Variants in SUPT3H observed in about 807,000 individuals in gnomAD.
SUPT3H encodes SPT3 homolog, SAGA and STAGA complex component.
In SUPT3H, 44 loss-of-function variants were observed where a neutral mutation model predicts 44.3. The observed-to-expected ratio is 0.99, with a 90% CI of 0.78 to 1.28. The LOEUF is 1.28. Among genes scored for constraint, SUPT3H ranks in the 50% most tolerant of loss-of-function variants. SUPT3H has a pLI of 0.00. For missense variants in SUPT3H, 380 were observed against 387.1 expected (o/e 0.98, Z 0.15); for synonymous variants, 124 against 125.6 (o/e 0.99, Z 0.09).
intron 10 of SUPT3H, among the ~76,000 whole-genome samples, chr6:44,883,375 A>G (rs1343396461): frequency 6.6e-6 from 1 of 152,192 alleles, no homozygotes; most frequent in East Asian, 1.9e-4. Context: ...AAAATAAGAG[A>G]GGACACAAAC....
intron 2 of SUPT3H, among the ~76,000 whole-genome samples, chr6:45,278,210 TGC>T (rs1376363053): frequency 1.3e-5 from 2 of 151,988 alleles, no homozygotes; most frequent in African/African-American, 4.8e-5. Context: ...AGTTGATGGG[TGC>T]AGCAAACCAC....
chr6:45,142,272 T>G (rs1805336122), intron 2 of SUPT3H, among the ~76,000 whole-genome samples: 1 of 151,946 alleles, frequency 6.6e-6, no homozygotes, highest in South Asian at 2.1e-4. Flanking sequence ...AACAAAACCT[T>G]GCAATACACC....
intron 9 of SUPT3H, among the ~76,000 whole-genome samples, chr6:44,933,712 C>CA (rs2153462137): frequency 6.6e-6 from 1 of 152,324 alleles, no homozygotes; most frequent in African/African-American, 2.4e-5. Flanking sequence ...GGTGTGCTCA[C>CA]AGCTCACTGA....
chr6:44,926,278 G>C (rs1010115783), intron 10 of SUPT3H, among the ~76,000 whole-genome samples: 2 of 151,870 alleles, frequency 1.3e-5, no homozygotes, highest in Non-Finnish European at 2.9e-5. Context: ...TTAATCTCAG[G>C]TTATACAATT....
chr6:44,860,346 T>C (rs1368512230), intron 10 of SUPT3H, among the ~76,000 whole-genome samples: 1 of 152,180 alleles, frequency 6.6e-6, no homozygotes. Context: ...CCACCAAAAA[T>C]GAGAGCTTGC....
At chr6:45,104,444 C>T (rs1799003073) in intron 3 of SUPT3H, among the ~76,000 whole-genome samples, 1 of 151,990 alleles carries the variant, frequency 6.6e-6, no homozygotes, top group South Asian at 2.1e-4. Context: ...TCATTCTAGC[C>T]TGCCTGTTTT....
intron 2 of SUPT3H, among the ~76,000 whole-genome samples, chr6:45,299,678 G>A (rs1002621350): frequency 2.6e-5 from 4 of 151,394 alleles, no homozygotes; most frequent in Admixed American, 2.0e-4. Context: ...CTTTGGGGAG[G>A]CTGAGGAAGG....
chr6:44,983,965 T>G (rs1779435825), intron 6 of SUPT3H, among the ~76,000 whole-genome samples: 1 of 152,192 alleles, frequency 6.6e-6, no homozygotes. Flanking sequence ...AAAGTCATTT[T>G]TGAAATAAAA....
chr6:45,183,646 G>A (rs1813670489), intron 2 of SUPT3H, among the ~76,000 whole-genome samples: 1 of 152,192 alleles, frequency 6.6e-6, no homozygotes, highest in African/African-American at 2.4e-5. Flanking sequence ...ACTCCCACTA[G>A]GCCCCGCCTC....
chr6:45,031,960 GTATTC>G (rs1787006997), intron 3 of SUPT3H, among the ~76,000 whole-genome samples: 2 of 152,116 alleles, frequency 1.3e-5, no homozygotes, highest in African/African-American at 4.8e-5. Flanking sequence ...AATTACTTTA[GTATTC>G]TATTCAATAG....
chr6:44,962,701 ATTCTTTT>A (rs1331524057), intron 6 of SUPT3H, among the ~76,000 whole-genome samples: 23 of 151,988 alleles, frequency 1.5e-4, no homozygotes, highest in Non-Finnish European at 4.4e-5. Flanking sequence ...AATAGAAATT[ATTCTTTT>A]TTCTTTTATT....
chr6:44,865,954 G>A (rs1775433113), intron 10 of SUPT3H, among the ~76,000 whole-genome samples: 1 of 152,198 alleles, frequency 6.6e-6, no homozygotes, highest in African/African-American at 2.4e-5. Context: ...AGCCAAGTGG[G>A]AGAACTTGCA....
intron 7 of SUPT3H, among the ~76,000 whole-genome samples, chr6:44,955,775 T>C (rs962659746): frequency 1.4e-4 from 21 of 152,072 alleles, no homozygotes; most frequent in African/African-American, 5.1e-4. Flanking sequence ...TTGGGTACAA[T>C]ATACACACTG....
At chr6:45,032,700 G>GA (rs1349002044) in intron 3 of SUPT3H, among the ~76,000 whole-genome samples, 1 of 152,114 alleles carries the variant, frequency 6.6e-6, no homozygotes. Context: ...ATAAAAGTGA[G>GA]ACATCACTGT....
chr6:44,906,733 A>T (rs1193596421), intron 10 of SUPT3H, among the ~76,000 whole-genome samples: 4 of 152,172 alleles, frequency 2.6e-5, no homozygotes, highest in African/African-American at 9.7e-5. Flanking sequence ...CTGCACTCCA[A>T]CCTGGGCAAC....
intron 2 of SUPT3H, among the ~76,000 whole-genome samples, chr6:45,337,308 G>GCTT (rs1394282348): frequency 6.6e-6 from 1 of 151,572 alleles, no homozygotes; most frequent in Non-Finnish European, 1.5e-5. Flanking sequence ...TGCTGGAAAA[G>GCTT]CTTGCCATTG....
chr6:44,840,125 C>G (rs1770706636), intron 10 of SUPT3H, among the ~76,000 whole-genome samples: 2 of 152,232 alleles, frequency 1.3e-5, no homozygotes, highest in Admixed American at 6.5e-5. Context: ...ATAACTTTTA[C>G]TGCGATTTCT....
At chr6:45,032,800 A>G (rs538281602) in intron 3 of SUPT3H, among the ~76,000 whole-genome samples, 1 of 152,250 alleles carries the variant, frequency 6.6e-6, no homozygotes, top group South Asian at 2.1e-4. Flanking sequence ...CAGCCAACTT[A>G]CCACTCAGCA....
At chr6:45,308,217 GC>G (rs1251877108) in intron 2 of SUPT3H, among the ~76,000 whole-genome samples, 1 of 152,086 alleles carries the variant, frequency 6.6e-6, no homozygotes, top group Non-Finnish European at 1.5e-5. Context: ...AGCAAGGCAG[GC>G]CAACATGCAA....
Sources: allele counts gnomAD v4.1 joint callset (sites outside exome capture counted in the v4.1 genomes callset), GRCh38; gene constraint gnomAD v4.1.1; transcripts MANE v1.5; gene names NCBI Gene and HGNC (gene_info 2026-07-23, HGNC 2026-07-21).